OXR1: variants seen among roughly 807,000 people sequenced by gnomAD.
The protein encoded by OXR1 is oxidation resistance protein 1.
Under a neutral mutation model 104.6 loss-of-function variants are expected in OXR1, and 41 were observed. The ratio of observed to expected loss-of-function variants is 0.39; its 90% CI spans 0.31 to 0.51. The LOEUF (loss-of-function observed/expected upper bound fraction) is 0.51. OXR1 is among the 20% of genes least tolerant of loss of function. OXR1 has a pLI of 0.77. For missense variants in OXR1, 955 were observed against 1,031.9 expected, an observed-to-expected ratio of 0.93 and a Z score of 1.02; for synonymous variants, 348 against 348.4, an observed-to-expected ratio of 1.00 and a Z score of 0.01.
chr8:106,624,168 C>T (rs1586917914), intron 3 of OXR1, among the ~76,000 whole-genome samples: 1 of 152,302 alleles, frequency 6.6e-6, no homozygotes, highest in Middle Eastern at 3.4e-3. Flanking sequence ...TCATTGAAAC[C>T]ATTGGCAGTA....
chr8:106,692,928 T>A (rs1415184148), intron 7 of OXR1, 51 bp downstream of exon 7: 8 of 1,278,732 alleles, frequency 6.3e-6, no homozygotes, highest in Non-Finnish European at 8.7e-6. Context: ...TAGTTATTAC[T>A]AATGTATGAT....
chr8:106,720,812 T>C, intron 11 of OXR1: 1 of 430,574 alleles, frequency 2.3e-6, no homozygotes. Context: ...AAATTTAATA[T>C]ATTTGGCAAG....
intron 9 of OXR1, 40 bp downstream of exon 9, chr8:106,707,185 G>C: frequency 1.3e-6 from 2 of 1,579,672 alleles, no homozygotes; most frequent in Non-Finnish European, 1.7e-6. Flanking sequence ...TCATCCAATT[G>C]TATGGTGTCT....
At chr8:106,405,304 C>T (rs930985216) in intron 2 of OXR1, among the ~76,000 whole-genome samples, 1 of 149,164 alleles carries the variant, frequency 6.7e-6, no homozygotes, top group Non-Finnish European at 1.5e-5. Flanking sequence ...GGTGCAAATC[C>T]AGGAAAGCTG....
intron 15 of OXR1, 34 bp from the exon 16 acceptor site, chr8:106,745,755 C>G (rs778282381): frequency 2.9e-6 from 3 of 1,038,856 alleles, no homozygotes; most frequent in Non-Finnish European, 2.9e-6. Context: ...ACCATTTCAT[C>G]TATATATTTA....
At chr8:106,568,413 C>T (rs1028000890) in intron 3 of OXR1, among the ~76,000 whole-genome samples, 1 of 152,014 alleles carries the variant, frequency 6.6e-6, no homozygotes, top group Admixed American at 6.6e-5. Context: ...TCTATGAAAC[C>T]TTCCATCCTC....
At chr8:106,709,017 C>T (rs1489839628) in intron 9 of OXR1, among the ~76,000 whole-genome samples, 2 of 151,846 alleles carry the variant, frequency 1.3e-5, no homozygotes, top group African/African-American at 2.4e-5. Flanking sequence ...AATACTTGAA[C>T]CAAGTTCTAT....
intron 2 of OXR1, among the ~76,000 whole-genome samples, chr8:106,427,452 T>C (rs947288035): frequency 6.6e-6 from 1 of 152,070 alleles, no homozygotes; most frequent in Non-Finnish European, 1.5e-5. Context: ...CAGGCATGAA[T>C]TGATTTTTAA....
intron 2 of OXR1, among the ~76,000 whole-genome samples, chr8:106,466,060 A>G (rs890583378): frequency 2.0e-5 from 3 of 151,996 alleles, no homozygotes; most frequent in South Asian, 2.1e-4. Context: ...TATACCTTGT[A>G]TAAACTTCTA....
chr8:106,722,185 A>G (rs1832877271), intron 11 of OXR1, among the ~76,000 whole-genome samples: 1 of 152,196 alleles, frequency 6.6e-6, no homozygotes, highest in African/African-American at 2.4e-5. Flanking sequence ...AATATGTTAA[A>G]CGCACAAAAC....
At chr8:106,445,797 T>C (rs1206134694) in intron 2 of OXR1, among the ~76,000 whole-genome samples, 1 of 152,190 alleles carries the variant, frequency 6.6e-6, no homozygotes, top group African/African-American at 2.4e-5. Flanking sequence ...GCAAATCATA[T>C]CTTCCTACTC....
Position 106,740,485 on chromosome 8 carries a change from G to T in OXR1, c.2306G>T (p.Ser769Ile). The change falls in exon 14 of 17, where the codon AGT (serine) becomes ATT (isoleucine). Residue 769 changes from serine (S) to isoleucine (I), a missense_variant. Physicochemically the swap from Ser to Ile is moderately radical, Grantham distance 142. Coordinates refer to ENST00000517566, the MANE Select transcript of OXR1 (RefSeq NM_001198533.2). ...CCAGTGCTGATGGTGATTAAAGACA[G>T]TGATGGACAGGTATGAAACACCAAC... Reference protein sequence around the residue: ...DTPVLMVIKDSDGQVFGALAS... With the variant: ...DTPVLMVIKDIDGQVFGALAS... 1.2e-6 allele frequency: 2 copies of T among 1,610,894 alleles called. No individual in the cohort carries two copies. The highest frequency in any genetic ancestry group is 1.7e-6 in the Non-Finnish European group (2 of 1,178,442).
At chr8:106,567,813 A>G (rs1563611213) in intron 3 of OXR1, among the ~76,000 whole-genome samples, 2 of 152,196 alleles carry the variant, frequency 1.3e-5, no homozygotes, top group South Asian at 2.1e-4. Context: ...AATATCTTCA[A>G]TTAAAATGTA....
intron 1 of OXR1, among the ~76,000 whole-genome samples, chr8:106,273,154 T>C (rs114622479): frequency 0.043 from 6,491 of 152,108 alleles, 346 homozygotes; most frequent in African/African-American, 0.12. Flanking sequence ...ACTGGACACT[T>C]TTTTTCTGGA....
At chr8:106,436,631 C>T (rs1052571390) in intron 2 of OXR1, among the ~76,000 whole-genome samples, 1 of 152,090 alleles carries the variant, frequency 6.6e-6, no homozygotes, top group Non-Finnish European at 1.5e-5. Flanking sequence ...TAGGGGTGGG[C>T]CTGGCTTCAG....
intron 7 of OXR1, among the ~76,000 whole-genome samples, chr8:106,699,781 G>A (rs1222926720): frequency 6.6e-6 from 1 of 152,196 alleles, no homozygotes; most frequent in Non-Finnish European, 1.5e-5. Context: ...TAAGCAGGAA[G>A]TGGTGCTTTC....
At chr8:106,461,711 A>C (rs911235604) in intron 2 of OXR1, among the ~76,000 whole-genome samples, 4 of 152,190 alleles carry the variant, frequency 2.6e-5, no homozygotes, top group Admixed American at 1.3e-4. Flanking sequence ...ATTGACAATA[A>C]TATTACCTGT....
chr8:106,380,745 A>C lies in OXR1; in HGVS notation c.23+21109A>C, dbSNP rs76691379. 9.3e-3 allele frequency among the ~76,000 whole-genome samples: 1,418 copies of C among 152,278 alleles called. 21 individuals carry two copies. Among genetic ancestry groups the C allele is most frequent in the African/African-American group, 0.031 (1,306 of 41,564 alleles). ...GATGTGGAGCATTTTTCTTATGCTT[A>C]TCGGCAATTTTTTTGAAGAAATGCT... On this transcript the variant is annotated intron_variant, in intron 2 of 16. Coordinates refer to ENST00000517566, the MANE Select transcript of OXR1 (RefSeq NM_001198533.2).
chr8:106,405,725 C>G (rs1818211660), intron 2 of OXR1, among the ~76,000 whole-genome samples: 1 of 152,048 alleles, frequency 6.6e-6, no homozygotes, highest in Non-Finnish European at 1.5e-5. Flanking sequence ...TAGCAAAGAT[C>G]AACAAAACCA....
Sources: allele counts gnomAD v4.1 joint callset (sites outside exome capture counted in the v4.1 genomes callset), GRCh38; gene constraint gnomAD v4.1.1; transcripts MANE v1.5; gene names NCBI Gene and HGNC (gene_info 2026-07-23, HGNC 2026-07-21).